NAV1: variants seen among roughly 807,000 people sequenced by gnomAD.
NAV1 encodes neuron navigator 1, also known as pore membrane and/or filament interacting like protein 3.
A neutral mutation model predicts 175.2 loss-of-function variants in NAV1; 18 were observed. That is an observed-to-expected ratio of 0.10 (90% CI 0.07 to 0.15). The LOEUF is 0.15. Among genes scored for constraint, NAV1 ranks in the 10% least tolerant of loss-of-function variants. The probability of loss-of-function intolerance (pLI) is 1.00; values close to 1 mark genes in which losing one functional copy is unlikely to be tolerated. For missense variants in NAV1, 1,731 were observed against 2,436.6 expected, an observed-to-expected ratio of 0.71 and a Z score of 6.10; for synonymous variants, 897 against 978.7, an observed-to-expected ratio of 0.92 and a Z score of 1.56.
intron 1 of NAV1, among the ~76,000 whole-genome samples, chr1:201,563,545 A>T (rs1666266463): frequency 6.6e-6 from 1 of 152,012 alleles, no homozygotes; most frequent in Non-Finnish European, 1.5e-5. Context: ...AAGAACCCAG[A>T]ATCTGGAATT....
intron 2 of NAV1, among the ~76,000 whole-genome samples, chr1:201,598,676 T>C (rs1223605418): frequency 1.3e-5 from 2 of 152,166 alleles, no homozygotes; most frequent in East Asian, 3.8e-4. Context: ...AACCTCAAGT[T>C]CATCATCTGT....
rs190052037 is a variant in NAV1, at chr1:201,759,376, A to G, written c.1227-21045A>G. 1.3e-4 allele frequency among the ~76,000 whole-genome samples: 20 copies of G among 152,352 alleles called. No homozygotes were observed. In the East Asian group the frequency reaches 1.7e-3, roughly 13 times the overall value. On this transcript the variant is annotated intron_variant, in intron 3 of 29. Coordinates refer to ENST00000367296, the Ensembl canonical transcript of NAV1. ...AGCAAACAAGTGAGCTAGATATTGC[A>G]TCAACTTCACAGACTGAAGGAGGGC...
chr1:201,587,807 A>G (rs943077542), intron 1 of NAV1, among the ~76,000 whole-genome samples: 17 of 152,254 alleles, frequency 1.1e-4, no homozygotes, highest in Non-Finnish European at 2.4e-4. Flanking sequence ...AAATATGCAC[A>G]TGAAAATATG....
chr1:201,602,758 G>A (rs1571841164), intron 2 of NAV1, among the ~76,000 whole-genome samples: 3 of 151,516 alleles, frequency 2.0e-5, no homozygotes, highest in African/African-American at 7.3e-5. Context: ...CTCTTGGCTG[G>A]GGCATGCTCC....
intron 1 of NAV1, among the ~76,000 whole-genome samples, chr1:201,552,991 G>A (rs1214346580): frequency 6.6e-6 from 1 of 152,160 alleles, no homozygotes; most frequent in Non-Finnish European, 1.5e-5. Flanking sequence ...GGCCTCCAGG[G>A]GACGAGGGGG....
intron 3 of NAV1, among the ~76,000 whole-genome samples, chr1:201,756,881 T>TTTCTTTCC (rs1553267286): frequency 2.8e-5 from 4 of 143,962 alleles, no homozygotes; most frequent in African/African-American, 1.1e-4. Flanking sequence ...TCTTTCTTTC[T>TTTCTTTCC]TTCTCTGTCT....
At chr1:201,817,330 C>T in intron 29 of NAV1, 45 bp downstream of exon 33, 1 of 1,566,244 alleles carries the variant, frequency 6.4e-7, no homozygotes, top group Non-Finnish European at 8.7e-7. Context: ...TATTATAGAA[C>T]TGAATTATTG....
chr1:201,781,510 T>C (rs1025426008), intron 5 of NAV1, among the ~76,000 whole-genome samples: 2 of 152,124 alleles, frequency 1.3e-5, no homozygotes, highest in Non-Finnish European at 2.9e-5. Flanking sequence ...GTGGAGGAAA[T>C]AGAAACTCAA....
At chr1:201,677,779 C>T (rs1027296840) in intron 1 of NAV1, among the ~76,000 whole-genome samples, 5 of 152,136 alleles carry the variant, frequency 3.3e-5, no homozygotes, top group South Asian at 2.1e-4. Context: ...AGGCATGCGC[C>T]GCCACGCCTG....
At chr1:201,715,452 G>A (rs1427887712) in intron 2 of NAV1, among the ~76,000 whole-genome samples, 2 of 152,102 alleles carry the variant, frequency 1.3e-5, no homozygotes, top group Admixed American at 1.3e-4. Flanking sequence ...GAGCCACCAC[G>A]CCCTGCCGGC....
intron 15 of NAV1, chr1:201,797,538 G>A (rs1677533288): frequency 6.6e-6 from 1 of 152,098 alleles, no homozygotes; most frequent in Admixed American, 6.5e-5. Flanking sequence ...GGATTCGTTT[G>A]TTAATCTCAG....
intron 1 of NAV1, among the ~76,000 whole-genome samples, chr1:201,678,071 A>G (rs1486196947): frequency 6.6e-6 from 1 of 152,208 alleles, no homozygotes. Context: ...GGAATTACAC[A>G]GAGGGAGGCA....
At chr1:201,739,600 C>A (rs1054005769) in intron 3 of NAV1, 4 of 177,686 alleles carry the variant, frequency 2.3e-5, no homozygotes, top group Admixed American at 6.4e-5. Flanking sequence ...CGAGTAAGAG[C>A]GCCCAAGGGA....
chr1:201,673,707 A>G (rs896510760), intron 1 of NAV1: 1 of 152,216 alleles, frequency 6.6e-6, no homozygotes, highest in Non-Finnish European at 1.5e-5. Flanking sequence ...CAGGCATAGG[A>G]CAGAATGTAT....
intron 3 of NAV1, among the ~76,000 whole-genome samples, chr1:201,727,956 T>A (rs1193082778): frequency 6.6e-6 from 1 of 152,076 alleles, no homozygotes; most frequent in Non-Finnish European, 1.5e-5. Flanking sequence ...CCCACAGTCA[T>A]GCTCAGACAG....
chr1:201,793,897 G>T, intron 14 of NAV1, 22 bp downstream of exon 18: 3 of 1,537,244 alleles, frequency 2.0e-6, no homozygotes, highest in South Asian at 2.3e-5. Flanking sequence ...GGGAAAGGGT[G>T]GGAGGGGTGG....
At chr1:201,784,332 A>AT (rs1206573511) in intron 7 of NAV1, among the ~76,000 whole-genome samples, 3 of 151,958 alleles carry the variant, frequency 2.0e-5, no homozygotes, top group Non-Finnish European at 2.9e-5. Flanking sequence ...TAATTTTTGT[A>AT]TTTTTAGTAG....
At chr1:201,730,142 T>A (rs1672788598) in intron 3 of NAV1, among the ~76,000 whole-genome samples, 1 of 152,258 alleles carries the variant, frequency 6.6e-6, no homozygotes, top group African/African-American at 2.4e-5. Context: ...CTGGAACTTG[T>A]GTGCATAATT....
At chr1:201,758,884 T>TA (rs1270341024) in intron 3 of NAV1, among the ~76,000 whole-genome samples, 3 of 152,254 alleles carry the variant, frequency 2.0e-5, no homozygotes, top group Non-Finnish European at 4.4e-5. Context: ...ATCTTGATAT[T>TA]ACAATGGCTT....
Sources: gnomAD v4.1 joint callset for allele counts (sites outside exome capture counted in the v4.1 genomes callset) on GRCh38, gnomAD v4.1.1 for gene constraint, MANE v1.5 for transcripts, NCBI Gene and HGNC (gene_info 2026-07-23, HGNC 2026-07-21) for gene names.